The following GALNT17 variants were observed in gnomAD, a reference collection of about 807,000 sequenced individuals.
GALNT17 encodes polypeptide N-acetylgalactosaminyltransferase 17.
In GALNT17, 29 loss-of-function variants were observed where a neutral mutation model predicts 63.7. The ratio of observed to expected loss-of-function variants is 0.46; its 90% CI spans 0.34 to 0.62. GALNT17 has a LOEUF of 0.62. GALNT17 is among the 20% of genes least tolerant of loss of function. The pLI, the probability that GALNT17 is intolerant of heterozygous loss-of-function variation, is 0.01. For synonymous variants in GALNT17, 305 were observed against 318.3 expected (o/e 0.96, Z 0.45); for missense variants, 603 against 799.6 (o/e 0.75, Z 2.97).
intron 5 of GALNT17, among the ~76,000 whole-genome samples, chr7:71,543,788 TTTC>T (rs1450482034): frequency 1.3e-5 from 1 of 79,870 alleles, no homozygotes; most frequent in East Asian, 2.4e-4. Flanking sequence ...TCTTCCTTTC[TTTC>T]TTTTCTTTCT....
At chr7:71,366,163 CAGA>C (rs373840030) in intron 2 of GALNT17, among the ~76,000 whole-genome samples, 5 of 152,228 alleles carry the variant, frequency 3.3e-5, no homozygotes, top group South Asian at 2.1e-4. Context: ...GCTGTAAATA[CAGA>C]AGAAGTTTTG....
chr7:71,314,076 G>A (rs1171447548), intron 1 of GALNT17, among the ~76,000 whole-genome samples: 1 of 152,176 alleles, frequency 6.6e-6, no homozygotes, highest in East Asian at 1.9e-4. Context: ...AGGGATGGAG[G>A]CGAATGTTAC....
At chr7:71,469,836 T>C (rs904425610) in intron 5 of GALNT17, among the ~76,000 whole-genome samples, 4 of 152,238 alleles carry the variant, frequency 2.6e-5, no homozygotes, top group African/African-American at 4.8e-5. Context: ...GAGGAAAATA[T>C]GACTTTTTCA....
intron 1 of GALNT17, among the ~76,000 whole-genome samples, chr7:71,133,605 T>C (rs903419073): frequency 6.6e-6 from 1 of 152,086 alleles, no homozygotes. Context: ...CTGCCGCCTG[T>C]GTTTCTCCTT....
intron 1 of GALNT17, among the ~76,000 whole-genome samples, chr7:71,281,770 C>T (rs1790782287): frequency 6.6e-6 from 1 of 152,192 alleles, no homozygotes; most frequent in Non-Finnish European, 1.5e-5. Context: ...TTCCAGATAT[C>T]AGAAAAATCC....
intron 6 of GALNT17, among the ~76,000 whole-genome samples, chr7:71,580,323 A>G (rs1789613876): frequency 6.6e-6 from 1 of 152,052 alleles, no homozygotes. Flanking sequence ...TGATAGATGG[A>G]TACAAAGAAG....
rs191505486 is a variant in GALNT17 at position 71,414,376 on chromosome 7, G to T, written c.590-1513G>T. On this transcript the variant is annotated intron_variant, in intron 3 of 10. Coordinates refer to ENST00000333538, the MANE Select transcript of GALNT17 (RefSeq NM_022479.3). ...ATTATTATTAGATTTACCATTTATT[G>T]AATGCATATTGAGTGCTTTCTATAT... Among the ~76,000 whole-genome samples the T allele has an allele frequency of 1.8e-3, 280 of 152,270 alleles. 1 individual carries two copies. Among genetic ancestry groups the T allele is most frequent in the African/African-American group, 6.4e-3 (266 of 41,554 alleles).
intron 5 of GALNT17, among the ~76,000 whole-genome samples, chr7:71,527,688 G>A (rs1211865917): frequency 6.6e-6 from 1 of 152,192 alleles, no homozygotes; most frequent in East Asian, 1.9e-4. Context: ...GCAATAAAAA[G>A]CAAGACAAGA....
chr7:71,308,963 C>T (rs997270342), intron 1 of GALNT17, among the ~76,000 whole-genome samples: 12 of 151,990 alleles, frequency 7.9e-5, no homozygotes, highest in African/African-American at 2.7e-4. Flanking sequence ...ATACTGGTCT[C>T]GAACTCCTGA....
intron 9 of GALNT17, among the ~76,000 whole-genome samples, chr7:71,693,960 T>G (rs978490115): frequency 2.0e-5 from 3 of 152,100 alleles, no homozygotes; most frequent in Admixed American, 2.0e-4. Flanking sequence ...ATCCGTTATT[T>G]TATTAGTCTG....
chr7:71,465,500 G>A (rs779359200), intron 5 of GALNT17, among the ~76,000 whole-genome samples: 3 of 152,126 alleles, frequency 2.0e-5, no homozygotes, highest in East Asian at 1.9e-4. Context: ...TGAGCAAGAC[G>A]TTGCCAAATG....
intron 2 of GALNT17, among the ~76,000 whole-genome samples, chr7:71,367,947 A>C (rs1005309671): frequency 3.9e-5 from 6 of 151,992 alleles, no homozygotes; most frequent in African/African-American, 1.5e-4. Flanking sequence ...CACCAGCCAG[A>C]GCACTGGACC....
intron 1 of GALNT17, among the ~76,000 whole-genome samples, chr7:71,251,619 C>T (rs997674656): frequency 6.6e-6 from 1 of 152,074 alleles, no homozygotes; most frequent in Non-Finnish European, 1.5e-5. Flanking sequence ...ACTGTGTTGC[C>T]CAGGCTGGTC....
In GALNT17 at chr7:71,701,830, CAT is replaced by C. The variant is rs1246907726; in HGVS notation, c.1501-8922_1501-8921del. Among the ~76,000 whole-genome samples, 29 of 23,682 alleles carry C rather than the reference CAT, an allele frequency of 1.2e-3. 1 individual carries two copies. Among genetic ancestry groups the C allele is most frequent in the African/African-American group, 1.8e-3 (27 of 15,322 alleles). The allele number at this position is 23,682 out of a possible 152,430, so 15.5% of individuals were successfully genotyped here. On this transcript the variant is annotated intron_variant, in intron 9 of 10. Transcript: ENST00000333538. Reference sequence around the variant, plus strand: ...ATATATATATACACATATATATACACATATATATATGTGTATATATATATACA... The same window carrying C: ...ATATATATATACACATATATATACACATATATATGTGTATATATATATACA...
At chr7:71,594,787 T>A (rs971305560) in intron 6 of GALNT17, among the ~76,000 whole-genome samples, 1 of 152,188 alleles carries the variant, frequency 6.6e-6, no homozygotes, top group Non-Finnish European at 1.5e-5. Context: ...TTAAAATAAC[T>A]GTAATCATTT....
intron 1 of GALNT17, among the ~76,000 whole-genome samples, chr7:71,306,956 T>C (rs1215021014): frequency 6.6e-6 from 1 of 152,152 alleles, no homozygotes; most frequent in Non-Finnish European, 1.5e-5. Context: ...CCCGAGTACC[T>C]GGGATTACAG....
chr7:71,499,061 A>G (rs553496429), intron 5 of GALNT17, among the ~76,000 whole-genome samples: 10 of 152,304 alleles, frequency 6.6e-5, no homozygotes, highest in African/African-American at 2.4e-4. Context: ...TTTCAGCAGA[A>G]GTATTTTCTT....
At chr7:71,711,000 G>A (rs1330823078) in intron 10 of GALNT17, 72 bp downstream of exon 10, 32 of 1,543,316 alleles carry the variant, frequency 2.1e-5, no homozygotes, top group Non-Finnish European at 2.6e-5. Flanking sequence ...GGGGAATCCT[G>A]CTTCCCCAGG....
At chr7:71,439,348 A>G (rs1385154286) in intron 5 of GALNT17, among the ~76,000 whole-genome samples, 1 of 152,166 alleles carries the variant, frequency 6.6e-6, no homozygotes, top group Non-Finnish European at 1.5e-5. Context: ...AATACATGCT[A>G]TTTCTTGACA....
Sources: gnomAD v4.1 joint callset for allele counts (sites outside exome capture counted in the v4.1 genomes callset) on GRCh38, gnomAD v4.1.1 for gene constraint, MANE v1.5 for transcripts, NCBI Gene and HGNC (gene_info 2026-07-23, HGNC 2026-07-21) for gene names.